The following ASIC2 variants were observed in gnomAD, a reference collection of about 807,000 sequenced individuals.
ASIC2 encodes the protein acid-sensing ion channel 2.
ASIC2 carries 25 observed loss-of-function variants against 57.3 expected under a neutral mutation model. The observed-to-expected ratio is 0.44, with a 90% confidence interval of 0.32 to 0.61. ASIC2 has a LOEUF of 0.61. ASIC2 is among the 20% of genes least tolerant of loss of function. The pLI is 0.06. For missense variants in ASIC2, 641 were observed against 738.1 expected (o/e 0.87, Z 1.52); for synonymous variants, 319 against 307.5 (o/e 1.04, Z -0.39).
chr17:33,518,707 A>G (rs1914646045), intron 1 of ASIC2, among the ~76,000 whole-genome samples: 1 of 152,262 alleles, frequency 6.6e-6, no homozygotes, highest in Admixed American at 6.5e-5. Context: ...AATATATGAG[A>G]TAATATTATG....
intron 1 of ASIC2, among the ~76,000 whole-genome samples, chr17:33,747,380 C>G (rs1279255848): frequency 6.6e-6 from 1 of 151,990 alleles, no homozygotes; most frequent in Non-Finnish European, 1.5e-5. Flanking sequence ...TGCACCACCA[C>G]GCCCAGCTAA....
At chr17:33,313,348 GAGA>G (rs1466988432) in intron 1 of ASIC2, among the ~76,000 whole-genome samples, 2 of 151,840 alleles carry the variant, frequency 1.3e-5, no homozygotes, top group African/African-American at 4.8e-5. Context: ...AAGAAAGAAG[GAGA>G]AGAAGAAGAT....
At chr17:33,866,289 C>T (rs542269471) in intron 1 of ASIC2, among the ~76,000 whole-genome samples, 253 of 152,204 alleles carry the variant, frequency 1.7e-3, no homozygotes, top group Non-Finnish European at 2.4e-3. Flanking sequence ...AATTTACACC[C>T]CAACATCAGT....
chr17:33,517,994 C>T (rs1914626889), intron 1 of ASIC2, among the ~76,000 whole-genome samples: 1 of 152,190 alleles, frequency 6.6e-6, no homozygotes, highest in South Asian at 2.1e-4. Context: ...GGGAGCTGGC[C>T]TGGAAGTCCA....
At chr17:33,903,912 C>T (rs190181100) in intron 1 of ASIC2, among the ~76,000 whole-genome samples, 10 of 152,144 alleles carry the variant, frequency 6.6e-5, no homozygotes, top group East Asian at 3.9e-4. Context: ...GCCTGTAATC[C>T]GAGCACTTTG....
intron 1 of ASIC2, among the ~76,000 whole-genome samples, chr17:33,305,464 C>CA (rs1406696442): frequency 6.6e-6 from 1 of 152,082 alleles, no homozygotes; most frequent in Admixed American, 6.5e-5. Context: ...GTTATGAAAA[C>CA]AAAAAGGCTT....
At chr17:33,651,337 G>T (rs1160548006) in intron 1 of ASIC2, among the ~76,000 whole-genome samples, 1 of 152,188 alleles carries the variant, frequency 6.6e-6, no homozygotes, top group Admixed American at 6.5e-5. Context: ...GCAACGTCTT[G>T]TGAGTCTATA....
intron 1 of ASIC2, among the ~76,000 whole-genome samples, chr17:33,503,012 A>G (rs1914145687): frequency 6.6e-6 from 1 of 152,184 alleles, no homozygotes. Context: ...AATTGATAAT[A>G]CCTTGTGATT....
At chr17:33,540,528 G>A (rs902595800) in intron 1 of ASIC2, among the ~76,000 whole-genome samples, 4 of 152,144 alleles carry the variant, frequency 2.6e-5, no homozygotes, top group Non-Finnish European at 5.9e-5. Flanking sequence ...GACCCTCTTA[G>A]GGAGGGTTCA....
At chr17:33,674,791 C>T (rs1249247653) in intron 1 of ASIC2, among the ~76,000 whole-genome samples, 1 of 152,202 alleles carries the variant, frequency 6.6e-6, no homozygotes, top group African/African-American at 2.4e-5. Flanking sequence ...CTCTCTTCTG[C>T]TCTCTGCCGG....
intron 1 of ASIC2, among the ~76,000 whole-genome samples, chr17:33,247,100 G>T (rs892841465): frequency 1.3e-5 from 2 of 152,172 alleles, no homozygotes; most frequent in African/African-American, 4.8e-5. Flanking sequence ...TTCATTGTTC[G>T]ATAGAGCGTT....
At chr17:33,594,353 G>A (rs980900638) in intron 1 of ASIC2, among the ~76,000 whole-genome samples, 1 of 152,230 alleles carries the variant, frequency 6.6e-6, no homozygotes. Context: ...GGCTGGATCA[G>A]GTGCAAGTCT....
At chr17:33,426,327 G>A (rs368034456) in intron 1 of ASIC2, among the ~76,000 whole-genome samples, 92 of 152,282 alleles carry the variant, frequency 6.0e-4, no homozygotes, top group African/African-American at 1.7e-3. Flanking sequence ...TTTAAGAGAC[G>A]TGAATGCTCA....
chr17:33,576,946 T>C (rs941804769), intron 1 of ASIC2, among the ~76,000 whole-genome samples: 2 of 152,204 alleles, frequency 1.3e-5, no homozygotes, highest in Non-Finnish European at 2.9e-5. Context: ...GTTATATGCA[T>C]TAATATGTGT....
intron 1 of ASIC2, among the ~76,000 whole-genome samples, chr17:33,535,811 T>G (rs758973903): frequency 6.6e-6 from 1 of 152,178 alleles, no homozygotes; most frequent in Non-Finnish European, 1.5e-5. Context: ...TCCATCAGCA[T>G]GGATCCCTGA....
intron 1 of ASIC2, among the ~76,000 whole-genome samples, chr17:33,851,776 G>A (rs1913771967): frequency 6.6e-6 from 1 of 152,108 alleles, no homozygotes; most frequent in Admixed American, 6.5e-5. Context: ...AGTGTGTAGA[G>A]GAGCATAATC....
chr17:34,098,018 T>C lies in ASIC2; in HGVS notation c.555+57960A>G, dbSNP rs145576497. Among the ~76,000 whole-genome samples the C allele has an allele frequency of 1.3e-4, 20 of 152,228 alleles. 1 individual carries two copies. The highest frequency in any genetic ancestry group is 3.4e-3 in the Middle Eastern group (1 of 294). Reference sequence around the variant, plus strand: ...GATCATGTGGAGAGCAGGAGAGCTTTACTCCATTTTGTCATGCATTGCTTT... The same window carrying C: ...GATCATGTGGAGAGCAGGAGAGCTTCACTCCATTTTGTCATGCATTGCTTT... On this transcript the variant is annotated intron_variant, in intron 1 of 9. Coordinates refer to the ASIC2 transcript ENST00000359872.
intron 1 of ASIC2, among the ~76,000 whole-genome samples, chr17:33,452,977 G>A (rs1341868895): frequency 4.6e-5 from 7 of 152,102 alleles, no homozygotes; most frequent in Non-Finnish European, 8.8e-5. Context: ...AAATGACAGG[G>A]CCTTAGTGTT....
intron 1 of ASIC2, among the ~76,000 whole-genome samples, chr17:33,530,455 G>A (rs1915016721): frequency 6.6e-6 from 1 of 152,232 alleles, no homozygotes; most frequent in Admixed American, 6.5e-5. Context: ...TTGGCAGATG[G>A]CAGCAAGGCC....
Sources: allele counts gnomAD v4.1 joint callset (sites outside exome capture counted in the v4.1 genomes callset), GRCh38; gene constraint gnomAD v4.1.1; transcripts MANE v1.5; gene names NCBI Gene and HGNC (gene_info 2026-07-23, HGNC 2026-07-21).